RBFOX3: variants seen among roughly 807,000 people sequenced by gnomAD.
RBFOX3 encodes the protein RNA binding protein fox-1 homolog 3.
In RBFOX3, 17 loss-of-function variants were observed where a neutral mutation model predicts 48.7. The ratio of observed to expected loss-of-function variants is 0.35; its 90% CI spans 0.24 to 0.52. The LOEUF (loss-of-function observed/expected upper bound fraction) is 0.52. RBFOX3 is among the 20% of genes least tolerant of loss of function. The probability of loss-of-function intolerance (pLI) is 0.94; values close to 1 mark genes in which losing one functional copy is unlikely to be tolerated. For synonymous variants in RBFOX3, 212 were observed against 209.5 expected (o/e 1.01, Z -0.10); for missense variants, 382 against 497.5 (o/e 0.77, Z 2.21).
rs377735122 is a variant in RBFOX3, at chr17:79,212,012, C to T, written c.-34+23754G>A. On this transcript the variant is annotated intron_variant, in intron 4 of 14. Coordinates refer to ENST00000693108, the MANE Select transcript of RBFOX3 (RefSeq NM_001350451.2). The surrounding 1 kb of genome is among the most constrained non-coding windows in gnomAD (Gnocchi z 4.7). ...GGAGGTTGTGGCCAGGCCAAGCTCC[C>T]GAAAGCTCTGGTCTCCTGGGGTCTT... Among the ~76,000 whole-genome samples, 4 of 152,152 alleles carry T rather than the reference C, an allele frequency of 2.6e-5. No homozygotes were observed. Among genetic ancestry groups the T allele is most frequent in the African/African-American group, 7.2e-5 (3 of 41,426 alleles).
At chr17:79,245,135 C>T (rs1166991593) in intron 3 of RBFOX3, among the ~76,000 whole-genome samples, 2 of 150,650 alleles carry the variant, frequency 1.3e-5, no homozygotes, top group Non-Finnish European at 3.0e-5. Context: ...GAGTGCAGGG[C>T]CATCTTGGCT....
chr17:79,499,210 A>G (rs1555776231), intron 1 of RBFOX3, among the ~76,000 whole-genome samples: 2 of 151,470 alleles, frequency 1.3e-5, no homozygotes, highest in Non-Finnish European at 2.9e-5. Flanking sequence ...TCATACATAT[A>G]CCTACTCATA....
chr17:79,566,310 G>T (rs2092452045), intron 1 of RBFOX3, among the ~76,000 whole-genome samples: 1 of 152,176 alleles, frequency 6.6e-6, no homozygotes, highest in Admixed American at 6.5e-5. Context: ...ACCAGGCTGG[G>T]CCTGGGGTCT....
chr17:79,276,612 G>T (rs1325220825), intron 3 of RBFOX3, among the ~76,000 whole-genome samples: 1 of 152,146 alleles, frequency 6.6e-6, no homozygotes, highest in Non-Finnish European at 1.5e-5. Flanking sequence ...TTGAACCCAG[G>T]AGTGAGAGGT....
chr17:79,330,730 G>GT (rs1255471458), intron 2 of RBFOX3, among the ~76,000 whole-genome samples: 6 of 152,082 alleles, frequency 3.9e-5, no homozygotes, highest in Non-Finnish European at 5.9e-5. Context: ...GGCTGTGCCT[G>GT]GGGGGTCTTC....
rs76368277 is a variant in RBFOX3 at position 79,252,764 on chromosome 17, T to C, written c.-73-16959A>G. Among the ~76,000 whole-genome samples, 3,574 of 152,276 alleles carry C rather than the reference T, an allele frequency of 0.023. 131 individuals carry two copies. The highest frequency in any genetic ancestry group is 0.081 in the African/African-American group (3,384 of 41,550). On this transcript the variant is annotated intron_variant, in intron 3 of 14. Coordinates refer to ENST00000693108, the MANE Select transcript of RBFOX3 (RefSeq NM_001350451.2). The surrounding 1 kb of genome is among the most constrained non-coding windows in gnomAD (Gnocchi z 4.0). Reference sequence around the variant, plus strand: ...ACTCCCAGCCAACTGCCCCTCTCAATGCCCCTCTCCTTTCCCTTCCTTTTT... The same window carrying C: ...ACTCCCAGCCAACTGCCCCTCTCAACGCCCCTCTCCTTTCCCTTCCTTTTT...
At chr17:79,229,513 G>A (rs1199005276) in intron 4 of RBFOX3, among the ~76,000 whole-genome samples, 2 of 146,596 alleles carry the variant, frequency 1.4e-5, no homozygotes, top group East Asian at 2.0e-4. Context: ...GAGCTGAGAT[G>A]GTGCCACTAC....
At chr17:79,104,636 G>A (rs1018433927) in intron 6 of RBFOX3, among the ~76,000 whole-genome samples, 1 of 152,222 alleles carries the variant, frequency 6.6e-6, no homozygotes, top group African/African-American at 2.4e-5. Context: ...TTCTCTAAAG[G>A]ATGGGGGAGA....
At chr17:79,394,180 CAT>C (rs2061706519) in intron 2 of RBFOX3, among the ~76,000 whole-genome samples, 2 of 152,234 alleles carry the variant, frequency 1.3e-5, no homozygotes, top group South Asian at 4.1e-4. Flanking sequence ...ATCACACACA[CAT>C]CTGAGCCCTC....
intron 3 of RBFOX3, among the ~76,000 whole-genome samples, chr17:79,267,592 T>G (rs1242211633): frequency 6.6e-6 from 1 of 152,182 alleles, no homozygotes; most frequent in African/African-American, 2.4e-5. Flanking sequence ...GATTTCACCA[T>G]GTTGGCCAAG....
At chr17:79,501,006 G>A (rs1280864889) in intron 1 of RBFOX3, among the ~76,000 whole-genome samples, 1 of 152,214 alleles carries the variant, frequency 6.6e-6, no homozygotes, top group East Asian at 1.9e-4. Flanking sequence ...GCCGAGGGGA[G>A]ATTAGGGCTT....
chr17:79,303,315 T>C (rs963651556), intron 3 of RBFOX3, among the ~76,000 whole-genome samples: 2 of 152,338 alleles, frequency 1.3e-5, no homozygotes, highest in East Asian at 1.9e-4. Flanking sequence ...GATTATGCGG[T>C]ATATGGTTGC....
intron 1 of RBFOX3, among the ~76,000 whole-genome samples, chr17:79,526,122 G>A (rs2086760377): frequency 6.6e-6 from 1 of 152,232 alleles, no homozygotes; most frequent in Non-Finnish European, 1.5e-5. Flanking sequence ...ATCTTACCTG[G>A]AGGTGACGCC....
At chr17:79,180,664 G>C (rs1013721091) in intron 4 of RBFOX3, among the ~76,000 whole-genome samples, 2 of 151,904 alleles carry the variant, frequency 1.3e-5, no homozygotes, top group Non-Finnish European at 2.9e-5. Flanking sequence ...ACTAAATGTC[G>C]TTATTTGTTT....
chr17:79,453,968 C>T (rs534856499), intron 2 of RBFOX3, among the ~76,000 whole-genome samples: 6 of 152,242 alleles, frequency 3.9e-5, no homozygotes, highest in Admixed American at 6.5e-5. Flanking sequence ...TGACCTGGGG[C>T]GGTGCTAGGT....
rs1018934013 is a variant in RBFOX3 at position 79,516,862 on chromosome 17, G to A, written c.-319-34264C>T. On this transcript the variant is annotated intron_variant, in intron 1 of 14. Transcript: ENST00000693108. ...TATGGATGGACCTCGAAAACGTGAC[G>A]CCGAGACAAGCCAGACACAAAAGGT... Among the ~76,000 whole-genome samples, 29 of 152,276 alleles carry A rather than the reference G, an allele frequency of 1.9e-4. No individual in the cohort carries two copies. In the East Asian group the frequency reaches 4.8e-3, roughly 25 times the overall value.
chr17:79,210,608 G>A (rs1600013645), intron 4 of RBFOX3, among the ~76,000 whole-genome samples: 1 of 152,330 alleles, frequency 6.6e-6, no homozygotes, highest in East Asian at 1.9e-4. Flanking sequence ...ATTTCTCAGG[G>A]ATATGGTCCC....
chr17:79,463,175 A>AT (rs2075671194), intron 2 of RBFOX3, among the ~76,000 whole-genome samples: 1 of 136,222 alleles, frequency 7.3e-6, no homozygotes, highest in Non-Finnish European at 1.6e-5. Context: ...TGCCACCTCC[A>AT]CCGCCATCGC....
intron 1 of RBFOX3, among the ~76,000 whole-genome samples, chr17:79,485,025 A>G (rs1311635840): frequency 6.6e-6 from 1 of 152,074 alleles, no homozygotes; most frequent in East Asian, 1.9e-4. Flanking sequence ...CTCCCCAGAC[A>G]GGGCTCCCAG....
Sources: gnomAD v4.1 joint callset for allele counts (sites outside exome capture counted in the v4.1 genomes callset) on GRCh38, gnomAD v4.1.1 for gene constraint, Gnocchi (gnomAD v3.1) non-coding constraint, MANE v1.5 for transcripts, NCBI Gene and HGNC (gene_info 2026-07-23, HGNC 2026-07-21) for gene names.